LDLRAD4: variants seen among roughly 807,000 people sequenced by gnomAD.
The protein encoded by LDLRAD4 is low density lipoprotein receptor class A domain containing 4.
In LDLRAD4, 5 loss-of-function variants were observed where a neutral mutation model predicts 17.0. The ratio of observed to expected loss-of-function variants is 0.29; its 90% CI spans 0.15 to 0.62. LDLRAD4 has a LOEUF of 0.62. Among genes scored for constraint, LDLRAD4 ranks in the 20% least tolerant of loss-of-function variants. The pLI, the probability that LDLRAD4 is intolerant of heterozygous loss-of-function variation, is 0.84. For missense variants in LDLRAD4, 340 were observed against 424.7 expected (o/e 0.80, Z 1.75); for synonymous variants, 168 against 171.8 (o/e 0.98, Z 0.17).
chr18:13,587,435 G>T (rs1219094501), intron 3 of LDLRAD4, among the ~76,000 whole-genome samples: 2 of 152,144 alleles, frequency 1.3e-5, no homozygotes, highest in Non-Finnish European at 2.9e-5. Context: ...CAGTCGACCT[G>T]TCAGATTCCC....
rs1428976524 is a variant in LDLRAD4, at chr18:13,533,928, A to G, written c.182-87189A>G. Among the ~76,000 whole-genome samples, 5 of 152,226 alleles carry G rather than the reference A, an allele frequency of 3.3e-5. No individual in the cohort carries two copies. The South Asian group carries it at 6.2e-4, about 19-fold the overall frequency. On this transcript the variant is annotated intron_variant, in intron 3 of 5. Coordinates refer to ENST00000359446, the Ensembl canonical transcript of LDLRAD4. The stretch of plus-strand genomic sequence containing the variant: ...ATGATGCCATGAAATGCATCAATGT[A>G]AAATGCAGTTTTAAGATTGCATTTT...
At chr18:13,554,229 T>A (rs9945761) in intron 3 of LDLRAD4, among the ~76,000 whole-genome samples, 4,877 of 152,286 alleles carry the variant, frequency 0.032, 258 homozygotes, top group African/African-American at 0.11. Context: ...TTGCTAAAGT[T>A]CAGTTGTTTC....
chr18:13,362,013 G>A (rs933472198), intron 1 of LDLRAD4, among the ~76,000 whole-genome samples: 3 of 152,166 alleles, frequency 2.0e-5, no homozygotes, highest in Middle Eastern at 3.4e-3. Flanking sequence ...CGAATTTTGA[G>A]TGTATGAAGG....
At chr18:13,465,022 G>T (rs1416646205) in intron 3 of LDLRAD4, 2 of 152,246 alleles carry the variant, frequency 1.3e-5, no homozygotes, top group East Asian at 3.9e-4. Context: ...GCCAAGAGGG[G>T]TGCTGCCCAC....
At chr18:13,379,186 A>C (rs1362224538) in intron 1 of LDLRAD4, among the ~76,000 whole-genome samples, 1 of 152,266 alleles carries the variant, frequency 6.6e-6, no homozygotes, top group East Asian at 1.9e-4. Context: ...GCCAGAGCCC[A>C]GACTTTTGTC....
At chr18:13,567,035 A>G (rs2094612117) in intron 3 of LDLRAD4, among the ~76,000 whole-genome samples, 1 of 152,174 alleles carries the variant, frequency 6.6e-6, no homozygotes, top group African/African-American at 2.4e-5. Flanking sequence ...CCTAGAACCA[A>G]GCCGCGCCTG....
At chr18:13,643,449 G>A (rs1332068451) in intron 5 of LDLRAD4, 37 bp downstream of exon 6, 5 of 566,046 alleles carry the variant, frequency 8.8e-6, no homozygotes, top group South Asian at 5.6e-5. Flanking sequence ...GCGGGGGGCG[G>A]GGGGGGTGGG....
At chr18:13,610,241 TC>T in intron 3 of LDLRAD4, among the ~76,000 whole-genome samples, 1 of 147,308 alleles carries the variant, frequency 6.8e-6, no homozygotes, top group East Asian at 2.0e-4. Flanking sequence ...CTTTTCCAGT[TC>T]CATGAAGTTC....
At chr18:13,347,235 C>A (rs1173911097) in intron 1 of LDLRAD4, among the ~76,000 whole-genome samples, 1 of 152,180 alleles carries the variant, frequency 6.6e-6, no homozygotes, top group Non-Finnish European at 1.5e-5. Flanking sequence ...ATGTTTAGTG[C>A]TTTCTTCAGG....
chr18:13,370,257 C>G (rs1448898219), intron 1 of LDLRAD4, among the ~76,000 whole-genome samples: 1 of 152,196 alleles, frequency 6.6e-6, no homozygotes, highest in Non-Finnish European at 1.5e-5. Context: ...TGTATTTGTT[C>G]TTACTCCTGC....
intron 1 of LDLRAD4, among the ~76,000 whole-genome samples, chr18:13,384,511 C>T (rs981549661): frequency 3.9e-5 from 6 of 152,204 alleles, no homozygotes; most frequent in African/African-American, 1.4e-4. Context: ...GTCACTAAAA[C>T]GTATTCCTCC....
intron 3 of LDLRAD4, among the ~76,000 whole-genome samples, chr18:13,553,271 C>T (rs534311862): frequency 2.6e-4 from 40 of 152,240 alleles, no homozygotes; most frequent in African/African-American, 7.7e-4. Context: ...TGTATGCTTG[C>T]GTGTTTGTGA....
intron 2 of LDLRAD4, among the ~76,000 whole-genome samples, chr18:13,412,606 C>T (rs557802249): frequency 7.9e-5 from 12 of 152,226 alleles, no homozygotes; most frequent in African/African-American, 1.7e-4. Context: ...ACAGGGTCCC[C>T]GACTTTATGG....
At chr18:13,463,224 T>C (rs956332680) in intron 3 of LDLRAD4, among the ~76,000 whole-genome samples, 1 of 152,184 alleles carries the variant, frequency 6.6e-6, no homozygotes, top group African/African-American at 2.4e-5. Flanking sequence ...CCTTATGGGA[T>C]GGGTGACAAC....
intron 1 of LDLRAD4, among the ~76,000 whole-genome samples, chr18:13,246,373 A>T (rs755572394): frequency 6.6e-6 from 1 of 152,072 alleles, no homozygotes; most frequent in Non-Finnish European, 1.5e-5. Context: ...TGCAGTCCTG[A>T]GTTTGGGATA....
intron 1 of LDLRAD4, among the ~76,000 whole-genome samples, chr18:13,384,397 A>G (rs1190777955): frequency 2.0e-5 from 3 of 152,212 alleles, no homozygotes; most frequent in Non-Finnish European, 2.9e-5. Context: ...CACCTCACCA[A>G]CTTATCATTT....
chr18:13,327,606 T>C (rs1449367762), intron 1 of LDLRAD4, among the ~76,000 whole-genome samples: 1 of 151,046 alleles, frequency 6.6e-6, no homozygotes, highest in Non-Finnish European at 1.5e-5. Context: ...AGGATTTTGG[T>C]GTTAAATGGA....
Position 13,257,133 on chromosome 18 carries a change from G to A in LDLRAD4, c.-466-20972G>A, listed in dbSNP as rs2043550648. 2.6e-5 allele frequency among the ~76,000 whole-genome samples: 4 copies of A among 152,348 alleles called. No homozygotes were observed. In the South Asian group the frequency reaches 8.3e-4, roughly 32 times the overall value. On this transcript the variant is annotated intron_variant, in intron 1 of 5. Transcript: ENST00000399848. ...GCCATGGAGTCATGCCGCGCTGGAG[G>A]GTCCGGCGGGACAGACGTGCACAGC...
At chr18:13,473,678 T>TAAAAAA (rs1555701486) in intron 3 of LDLRAD4, among the ~76,000 whole-genome samples, 1 of 79,986 alleles carries the variant, frequency 1.3e-5, no homozygotes, top group Non-Finnish European at 2.3e-5. Flanking sequence ...TATATATATA[T>TAAAAAA]AACGTTTACA....
Sources: allele counts gnomAD v4.1 joint callset (sites outside exome capture counted in the v4.1 genomes callset), GRCh38; gene constraint gnomAD v4.1.1; transcripts MANE v1.5; gene names NCBI Gene and HGNC (gene_info 2026-07-23, HGNC 2026-07-21).